INPP4B: variants seen among roughly 807,000 people sequenced by gnomAD.
INPP4B encodes inositol polyphosphate 4-phosphatase type II.
Under a neutral mutation model 122.5 loss-of-function variants are expected in INPP4B, and 55 were observed. The observed-to-expected ratio is 0.45, with a 90% CI of 0.36 to 0.56. The LOEUF (loss-of-function observed/expected upper bound fraction) is 0.56, where lower values mean the gene tolerates loss of function less well. Ranked by LOEUF, INPP4B falls within the 20% of genes least tolerant of loss-of-function variation. The probability of loss-of-function intolerance (pLI) is 0.00; values close to 1 mark genes in which losing one functional copy is unlikely to be tolerated. For synonymous variants in INPP4B, 403 were observed against 388.7 expected (o/e 1.04, Z -0.43); for missense variants, 1,000 against 1,097.7 (o/e 0.91, Z 1.26).
chr4:142,327,600 C>G (rs1403893301), intron 7 of INPP4B, among the ~76,000 whole-genome samples: 1 of 152,122 alleles, frequency 6.6e-6, no homozygotes, highest in African/African-American at 2.4e-5. Context: ...ACCAAAGCAT[C>G]TAATAGTTTA....
chr4:142,081,839 TATAG>T (rs141713578), intron 25 of INPP4B, among the ~76,000 whole-genome samples, 188 bp downstream of exon 25: 283 of 151,684 alleles, frequency 1.9e-3, no homozygotes, highest in Admixed American at 3.8e-3. Flanking sequence ...GTAGGGGAAA[TATAG>T]ATAGAGATGA....
rs1755982707 is a variant in INPP4B, at chr4:142,665,995, A to AGAT, written c.-191+59841_-191+59843dup. ...AACAAATAATAGAATAGTTCCAACA[A>AGAT]GATACTGTAATAAAAGTTATGTCAA... On this transcript the variant is annotated intron_variant, in intron 2 of 25. Transcript: ENST00000262992. 2.0e-5 allele frequency among the ~76,000 whole-genome samples: 3 copies of AGAT among 152,328 alleles called. No homozygotes were observed. In the South Asian group the frequency reaches 6.2e-4, roughly 32 times the overall value.
At chr4:142,207,651 G>A (rs774072053) in intron 14 of INPP4B, among the ~76,000 whole-genome samples, 2 of 152,138 alleles carry the variant, frequency 1.3e-5, no homozygotes, top group African/African-American at 2.4e-5. Context: ...GAAAGGAAGC[G>A]AGGGTATCAT....
intron 2 of INPP4B, among the ~76,000 whole-genome samples, chr4:142,618,201 A>G (rs1744117735): frequency 1.3e-5 from 2 of 152,008 alleles, no homozygotes; most frequent in African/African-American, 4.8e-5. Flanking sequence ...CAAAATATCA[A>G]TGGTACTGTC....
chr4:142,245,293 C>G (rs1344911414), intron 11 of INPP4B, among the ~76,000 whole-genome samples: 1 of 152,124 alleles, frequency 6.6e-6, no homozygotes, highest in African/African-American at 2.4e-5. Context: ...TTTGCCCATG[C>G]CTATGTCCTG....
intron 3 of INPP4B, among the ~76,000 whole-genome samples, chr4:142,445,766 A>C (rs1165722484): frequency 1.3e-5 from 2 of 152,184 alleles, no homozygotes; most frequent in Non-Finnish European, 2.9e-5. Context: ...AATATTCACT[A>C]AGACAGCTTC....
In INPP4B at chr4:142,312,459, C is replaced by T. The variant is rs113590259; in HGVS notation, c.423+2253G>A. On this transcript the variant is annotated intron_variant, in intron 8 of 25. Transcript: ENST00000262992. ...AGAAAGCCTAGAGGTGTCTAAACCA[C>T]GTTTACCTCCACTGGGAACTGATTG... is the stretch of plus-strand genomic sequence containing the variant. 6.4e-3 allele frequency among the ~76,000 whole-genome samples: 969 copies of T among 152,272 alleles called. 5 individuals carry two copies. The highest frequency in any genetic ancestry group is 0.01 in the Non-Finnish European group (711 of 68,028).
intron 8 of INPP4B, among the ~76,000 whole-genome samples, chr4:142,310,727 T>C: frequency 6.6e-6 from 1 of 151,352 alleles, no homozygotes; most frequent in East Asian, 1.9e-4. Flanking sequence ...TATTATTTCC[T>C]ACCCCATAGG....
chr4:142,140,442 A>G (rs1354627620), intron 18 of INPP4B, among the ~76,000 whole-genome samples: 1 of 152,208 alleles, frequency 6.6e-6, no homozygotes, highest in East Asian at 1.9e-4. Context: ...GTAGTGATTA[A>G]CCAGCGTATT....
chr4:142,330,166 G>A (rs972089675), intron 7 of INPP4B, among the ~76,000 whole-genome samples: 3 of 152,114 alleles, frequency 2.0e-5, no homozygotes, highest in African/African-American at 7.2e-5. Flanking sequence ...ATATCAGCAA[G>A]CAATGATTCA....
intron 2 of INPP4B, among the ~76,000 whole-genome samples, chr4:142,642,012 G>C (rs1206306173): frequency 6.6e-6 from 1 of 152,204 alleles, no homozygotes; most frequent in Non-Finnish European, 1.5e-5. Context: ...TTTCTCTGAT[G>C]ACCAGTGATG....
intron 2 of INPP4B, among the ~76,000 whole-genome samples, chr4:142,708,055 G>A (rs1430691257): frequency 6.6e-6 from 1 of 152,176 alleles, no homozygotes; most frequent in Non-Finnish European, 1.5e-5. Flanking sequence ...CAAAGAGGTT[G>A]GAGGCATTGT....
In INPP4B at chr4:142,370,033, C is replaced by T. The variant is rs185012810; in HGVS notation, c.372+32905G>A. 3.2e-4 allele frequency among the ~76,000 whole-genome samples: 48 copies of T among 151,952 alleles called. 1 individual carries two copies. The East Asian group carries it at 6.4e-3, about 20-fold the overall frequency. Reference sequence around the variant, plus strand: ...TGATAGAACATACTGATATATCAATCGTAGACCAATTGTAGTAAACATATT... The same window carrying T: ...TGATAGAACATACTGATATATCAATTGTAGACCAATTGTAGTAAACATATT... On this transcript the variant is annotated intron_variant, in intron 7 of 25. Coordinates refer to ENST00000262992, the MANE Select transcript of INPP4B (RefSeq NM_001101669.3).
intron 1 of INPP4B, among the ~76,000 whole-genome samples, chr4:142,833,242 C>G (rs1461065547): frequency 6.6e-6 from 1 of 151,928 alleles, no homozygotes; most frequent in Admixed American, 6.6e-5. Flanking sequence ...TCTAGAAGCT[C>G]TAGGTGGGTG....
chr4:142,278,160 C>A (rs1749514181), intron 9 of INPP4B, among the ~76,000 whole-genome samples: 1 of 151,964 alleles, frequency 6.6e-6, no homozygotes, highest in Non-Finnish European at 1.5e-5. Context: ...ACACTGAATG[C>A]AGCTATAAAA....
intron 3 of INPP4B, among the ~76,000 whole-genome samples, chr4:142,453,348 A>C (rs947322190): frequency 6.6e-6 from 1 of 152,174 alleles, no homozygotes; most frequent in Non-Finnish European, 1.5e-5. Context: ...ACATCATCAC[A>C]AATTATTAAT....
At chr4:142,309,644 C>T (rs1764717831) in intron 8 of INPP4B, among the ~76,000 whole-genome samples, 1 of 152,164 alleles carries the variant, frequency 6.6e-6, no homozygotes, top group Non-Finnish European at 1.5e-5. Context: ...CATGCTATGC[C>T]TCATTTCTAG....
At chr4:142,067,820 A>G (rs1434838823) in intron 25 of INPP4B, among the ~76,000 whole-genome samples, 2 of 152,250 alleles carry the variant, frequency 1.3e-5, no homozygotes, top group African/African-American at 4.8e-5. Context: ...TCCAAGAACT[A>G]TCGGACTATG....
chr4:142,520,234 T>C (rs1256414281), intron 2 of INPP4B, among the ~76,000 whole-genome samples: 2 of 151,918 alleles, frequency 1.3e-5, no homozygotes, highest in Non-Finnish European at 2.9e-5. Context: ...GCAGCATAAT[T>C]TTACCAAATA....
Sources: allele counts gnomAD v4.1 joint callset (sites outside exome capture counted in the v4.1 genomes callset), GRCh38; gene constraint gnomAD v4.1.1; transcripts MANE v1.5; gene names NCBI Gene and HGNC (gene_info 2026-07-23, HGNC 2026-07-21).